The following SLC6A6 variants were observed in gnomAD, a reference collection of about 807,000 sequenced individuals.
The protein encoded by SLC6A6 is sodium- and chloride-dependent taurine transporter.
A neutral mutation model predicts 68.8 loss-of-function variants in SLC6A6; 16 were observed. The ratio of observed to expected loss-of-function variants is 0.23; its 90% CI spans 0.16 to 0.35. The LOEUF (loss-of-function observed/expected upper bound fraction) is 0.35. Among genes scored for constraint, SLC6A6 ranks in the 10% least tolerant of loss-of-function variants. SLC6A6 has a pLI of 1.00. For missense variants in SLC6A6, 474 were observed against 802.8 expected (o/e 0.59, Z 4.95); for synonymous variants, 312 against 315.4 (o/e 0.99, Z 0.12).
In SLC6A6 at chr3:14,472,276, C is replaced by CT. The variant is rs1390226414; in HGVS notation, c.1176dup (p.Ile393TyrfsTer10). ...GCCGCTGCCCACATTTTGGTCCATTCTTTTTTTTATTATGCTTCTCTTGCT... is the reference window on the plus strand; with the variant it reads ...GCCGCTGCCCACATTTTGGTCCATTCTTTTTTTTTATTATGCTTCTCTTGCT... On this transcript the variant is annotated frameshift_variant, in exon 10 of 15. Coordinates refer to ENST00000622186, the MANE Select transcript of SLC6A6 (RefSeq NM_003043.6). LOFTEE classifies it high-confidence loss of function. This position sits in a 1 kb window ranked among gnomAD's most constrained non-coding sequence, Gnocchi z 4.5. The CT allele has an allele frequency of 7.4e-6, 12 of 1,612,830 alleles. No homozygotes were observed. The highest frequency in any genetic ancestry group is 1.0e-5 in the Non-Finnish European group (12 of 1,178,928).
chr3:14,431,987 C>G (rs912430760), intron 2 of SLC6A6, among the ~76,000 whole-genome samples: 3 of 152,112 alleles, frequency 2.0e-5, no homozygotes, highest in African/African-American at 7.2e-5. Context: ...GTGACTTGCC[C>G]AAGGCTGTAC....
intron 2 of SLC6A6, among the ~76,000 whole-genome samples, chr3:14,434,679 C>T (rs1699810446): frequency 6.6e-6 from 1 of 152,194 alleles, no homozygotes; most frequent in African/African-American, 2.4e-5. Flanking sequence ...GGGGCACCTC[C>T]GTTTGGAGTA....
intron 2 of SLC6A6, among the ~76,000 whole-genome samples, chr3:14,441,121 G>T (rs1218301835): frequency 6.6e-6 from 1 of 152,176 alleles, no homozygotes; most frequent in East Asian, 1.9e-4. Context: ...TGTGTGCCCA[G>T]AGGGCAGAGC....
Position 14,450,488 on chromosome 3 carries a change from TC to T in SLC6A6, c.599+2675del, listed in dbSNP as rs1700229877. 6.6e-6 allele frequency among the ~76,000 whole-genome samples: 1 copy of T among 152,168 alleles called. No individual in the cohort carries two copies. The highest frequency in any genetic ancestry group is 1.5e-5 in the Non-Finnish European group (1 of 68,020). The stretch of plus-strand genomic sequence containing the variant: ...CCTGGCTGCCAGCTTGGTACTCACC[TC>T]CCACTCCAGCTCTCACACCTCTCCT... On this transcript the variant is annotated intron_variant, in intron 5 of 14. Coordinates refer to ENST00000622186, the MANE Select transcript of SLC6A6 (RefSeq NM_003043.6). This position sits in a 1 kb window ranked among gnomAD's most constrained non-coding sequence, Gnocchi z 4.1.
At chr3:14,430,435 T>C (rs979913691) in intron 2 of SLC6A6, among the ~76,000 whole-genome samples, 27 of 152,102 alleles carry the variant, frequency 1.8e-4, no homozygotes, top group Admixed American at 1.3e-3. Context: ...GAGTTTAAGC[T>C]AAATTGCAAT....
intron 9 of SLC6A6, among the ~76,000 whole-genome samples, chr3:14,470,725 G>A (rs2124985406): frequency 6.6e-6 from 1 of 152,288 alleles, no homozygotes; most frequent in Admixed American, 6.5e-5. Context: ...GGTCTGGGTG[G>A]AAACGCCGCG....
chr3:14,402,916 C>T lies in SLC6A6; in HGVS notation c.-54+69C>T. ...GCCGTCTGCAGCCCCTCCCCATCCC[C>T]GCGTCGCCGCAGTCCCGGCCTCCTC... On this transcript the variant is annotated intron_variant, in intron 1 of 14. Transcript: ENST00000622186. The surrounding 1 kb of genome is among the most constrained non-coding windows in gnomAD (Gnocchi z 4.8). The T allele has an allele frequency of 2.6e-6, 1 of 387,958 alleles. No homozygotes were observed. Among genetic ancestry groups the T allele is most frequent in the Non-Finnish European group, 4.6e-6 (1 of 219,184 alleles). 24.0% of individuals were successfully genotyped at this position (387,958 alleles called of 1,614,324 possible).
intron 2 of SLC6A6, among the ~76,000 whole-genome samples, chr3:14,431,729 A>C (rs1251019128): frequency 6.6e-6 from 1 of 152,196 alleles, no homozygotes; most frequent in Admixed American, 6.5e-5. Context: ...TGTCTTGCTA[A>C]ATCCCAGGCT....
chr3:14,440,678 G>A (rs1245121040), intron 2 of SLC6A6, among the ~76,000 whole-genome samples: 1 of 152,178 alleles, frequency 6.6e-6, no homozygotes, highest in Non-Finnish European at 1.5e-5. Context: ...GCCAGTGCAA[G>A]GGCTGAGGGG....
intron 5 of SLC6A6, among the ~76,000 whole-genome samples, chr3:14,449,483 G>A (rs1700206667): frequency 6.6e-6 from 1 of 152,116 alleles, no homozygotes; most frequent in Admixed American, 6.5e-5. Flanking sequence ...CTGAAAACCG[G>A]GCCTTCCCCA....
chr3:14,484,733 G>A lies in SLC6A6; in HGVS notation c.1723-134G>A, dbSNP rs569854907. ...TTATTTCCAAAAAGGACAAAAACAG[G>A]AGATCAGAGAGGGTGTGAGTTTACC... On this transcript the variant is annotated intron_variant, in intron 14 of 14. Coordinates refer to ENST00000622186, the MANE Select transcript of SLC6A6 (RefSeq NM_003043.6). 1,313 of 803,798 alleles carry A rather than the reference G, an allele frequency of 1.6e-3. 22 individuals are homozygous for A. In the South Asian group the frequency reaches 0.018, roughly 11 times the overall value. 49.8% of individuals were successfully genotyped at this position (803,798 alleles called of 1,614,324 possible). A position where few individuals can be genotyped will look rare whatever the true frequency, so the allele number is the denominator to read the frequency against.
Position 14,485,016 on chromosome 3 carries a change from G to C in SLC6A6, c.*9G>C, listed in dbSNP as rs374987269. 1.9e-6 allele frequency: 3 copies of C among 1,598,038 alleles called. No individual in the cohort carries two copies. Among genetic ancestry groups the C allele is most frequent in the Non-Finnish European group, 2.6e-6 (3 of 1,167,914 alleles). On this transcript the variant is annotated 3_prime_UTR_variant, in exon 15 of 15. Coordinates refer to ENST00000622186, the MANE Select transcript of SLC6A6 (RefSeq NM_003043.6). ...TGGAGACCATGATGTGAGCTCTCTC[G>C]GGTCGACGGGGCCGGCGGCTTTCCT...
chr3:14,426,483 T>C (rs1400622682), intron 2 of SLC6A6, among the ~76,000 whole-genome samples: 2 of 152,202 alleles, frequency 1.3e-5, no homozygotes, highest in Admixed American at 1.3e-4. Flanking sequence ...GCATTTCGAG[T>C]GTGCTTTTAA....
Position 14,458,016 on chromosome 3 carries a change from C to T in SLC6A6, c.666C>T (p.Leu222=), listed in dbSNP as rs1283307219. The T allele has an allele frequency of 6.2e-7, 1 of 1,613,950 alleles. No homozygotes were observed. The highest frequency in any genetic ancestry group is 8.5e-7 in the Non-Finnish European group (1 of 1,179,776). Residue 222 remains leucine (L), a synonymous_variant, in exon 6 of 15, where the codon CTC becomes CTT. Coordinates refer to ENST00000622186, the MANE Select transcript of SLC6A6 (RefSeq NM_003043.6). ...HPGSLKWDLA[L]CLLLVWLVCF... Reference sequence around the variant, plus strand: ...GCTCTCTGAAATGGGACCTCGCTCTCTGCCTTCTTTTAGTCTGGCTAGTGT... The same window carrying T: ...GCTCTCTGAAATGGGACCTCGCTCTTTGCCTTCTTTTAGTCTGGCTAGTGT...
intron 1 of SLC6A6, among the ~76,000 whole-genome samples, chr3:14,410,336 T>A (rs563473006): frequency 6.6e-6 from 1 of 152,284 alleles, no homozygotes; most frequent in Admixed American, 6.5e-5. Flanking sequence ...TCGGTGATAT[T>A]GTTCATGACT....
In SLC6A6 at chr3:14,445,597, C is replaced by G. The variant is rs367789535; in HGVS notation, c.230-120C>G. On this transcript the variant is annotated intron_variant, in intron 3 of 14. Transcript: ENST00000622186. ...TTCCCACCAGGTCCAAGAGTTTGGC[C>G]TTGAGCCTCATGCCCCTCATGCATT... 1.3e-5 allele frequency: 15 copies of G among 1,172,472 alleles called. No individual in the cohort carries two copies. The East Asian group carries it at 3.5e-4, about 27-fold the overall frequency. The allele number at this position is 1,172,472 out of a possible 1,614,324, so 72.6% of individuals were successfully genotyped here. A position where few individuals can be genotyped will look rare whatever the true frequency, so the allele number is the denominator to read the frequency against.
intron 6 of SLC6A6, among the ~76,000 whole-genome samples, chr3:14,463,368 G>A (rs575747882): frequency 6.6e-5 from 10 of 152,204 alleles, no homozygotes; most frequent in African/African-American, 2.2e-4. Flanking sequence ...CACAAAATCC[G>A]CACTGCATAA....
chr3:14,445,602 G>T, intron 3 of SLC6A6, 115 bp from the exon 4 acceptor site: 4 of 1,206,452 alleles, frequency 3.3e-6, no homozygotes, highest in Non-Finnish European at 4.8e-6. Context: ...TTGGCCTTGA[G>T]CCTCATGCCC....
At chr3:14,411,988 C>G (rs1699261913) in intron 1 of SLC6A6, among the ~76,000 whole-genome samples, 1 of 152,228 alleles carries the variant, frequency 6.6e-6, no homozygotes. Context: ...TTAGAATACC[C>G]CTGTCCTCTG....
Sources: allele counts gnomAD v4.1 joint callset (sites outside exome capture counted in the v4.1 genomes callset), GRCh38; gene constraint gnomAD v4.1.1; non-coding constraint Gnocchi (gnomAD v3.1); transcripts MANE v1.5; gene names NCBI Gene and HGNC (gene_info 2026-07-23, HGNC 2026-07-21).